ANO5: variants seen among roughly 807,000 people sequenced by gnomAD.
ANO5 encodes anoctamin 5, also known as anoctamin-5.
A neutral mutation model predicts 121.0 loss-of-function variants in ANO5; 109 were observed. The observed-to-expected ratio is 0.90, with a 90% CI of 0.77 to 1.06. ANO5 has a LOEUF of 1.06. Among genes scored for constraint, ANO5 ranks in the 50% least tolerant of loss-of-function variants. The probability of loss-of-function intolerance (pLI) is 0.00; values close to 1 mark genes in which losing one functional copy is unlikely to be tolerated. For synonymous variants in ANO5, 406 were observed against 359.9 expected (o/e 1.13, Z -1.45); for missense variants, 1,064 against 1,078.5 (o/e 0.99, Z 0.19).
rs1205992591 is a variant in ANO5 at position 22,197,330 on chromosome 11, T to C, written c.40+3798T>C. Reference sequence around the variant, plus strand: ...ACATAAACAAACATTGCCAGTAAAATGTCATTGCTGGAATTTAACTTTTTT... The same window carrying C: ...ACATAAACAAACATTGCCAGTAAAACGTCATTGCTGGAATTTAACTTTTTT... On this transcript the variant is annotated intron_variant, in intron 1 of 21. Coordinates refer to ENST00000324559, the MANE Select transcript of ANO5 (RefSeq NM_213599.3). Among the ~76,000 whole-genome samples, 6 of 148,338 alleles carry C rather than the reference T, an allele frequency of 4.0e-5. No individual in the cohort carries two copies. The East Asian group carries it at 9.9e-4, about 24-fold the overall frequency.
Position 22,280,896 on chromosome 11 carries a change from G to A in ANO5, c.*1131G>A, listed in dbSNP as rs1855051911. On this transcript the variant is annotated 3_prime_UTR_variant, in exon 22 of 22. Transcript: ENST00000324559. ...AATGTAAGCTTGTCTTAATGAAATTGTCAGTGTAATAACAACTACAGTCTT... is the reference window on the plus strand; with the variant it reads ...AATGTAAGCTTGTCTTAATGAAATTATCAGTGTAATAACAACTACAGTCTT... 1 of 151,902 alleles carries A rather than the reference G, an allele frequency of 6.6e-6. No individual in the cohort carries two copies. Among genetic ancestry groups the A allele is most frequent in the African/African-American group, 2.4e-5 (1 of 41,416 alleles). The allele number at this position is 151,902 out of a possible 1,614,324, so 9.4% of individuals were successfully genotyped here.
chr11:22,265,785 G>A (rs970221140), intron 17 of ANO5, among the ~76,000 whole-genome samples: 2 of 151,954 alleles, frequency 1.3e-5, no homozygotes, highest in Non-Finnish European at 2.9e-5. Context: ...ACCCAAACAA[G>A]TATGATAAAA....
rs201467684 is a variant in ANO5, at chr11:22,262,946, T to C, written c.1801T>C (p.Cys601Arg). Residue 601 changes from cysteine (C) to arginine (R), a missense_variant and splice_region_variant, in exon 17 of 22, where the codon TGT becomes CGT. Coordinates refer to ENST00000324559, the MANE Select transcript of ANO5 (RefSeq NM_213599.3). ...YLFNEWRSEECDPGGCLIELT... is the reference protein window; with the variant it reads ...YLFNEWRSEERDPGGCLIELT... ...TTTCTCCCCTCTTGCTTCTGACTAGTGTGATCCTGGAGGCTGTCTTATAGA... is the reference window on the plus strand; with the variant it reads ...TTTCTCCCCTCTTGCTTCTGACTAGCGTGATCCTGGAGGCTGTCTTATAGA... The C allele has an allele frequency of 5.0e-6, 8 of 1,610,424 alleles. No homozygotes were observed. In the East Asian group the frequency reaches 1.8e-4, roughly 36 times the overall value.
chr11:22,236,798 A>G (rs11026472), intron 8 of ANO5, among the ~76,000 whole-genome samples: 8,317 of 152,302 alleles, frequency 0.055, 769 homozygotes, highest in African/African-American at 0.19. Context: ...CAACTGCAAT[A>G]TAAACTAAAG....
Position 22,279,819 on chromosome 11 carries a change from G to T in ANO5, c.*54G>T. 1 of 1,477,452 alleles carries T rather than the reference G, an allele frequency of 6.8e-7. No individual in the cohort carries two copies. The highest frequency in any genetic ancestry group is 1.4e-5 in the African/African-American group (1 of 71,456). 91.5% of individuals were successfully genotyped at this position (1,477,452 alleles called of 1,614,324 possible). A position where few individuals can be genotyped will look rare whatever the true frequency, so the allele number is the denominator to read the frequency against. ...CTGCCTTACTTCACTTTATCCTCTG[G>T]TTTTAGGGCCAGACGCCAGAAGCCA... On this transcript the variant is annotated 3_prime_UTR_variant, in exon 22 of 22. Coordinates refer to ENST00000324559, the MANE Select transcript of ANO5 (RefSeq NM_213599.3).
chr11:22,242,491 C>A (rs189549075), intron 9 of ANO5, among the ~76,000 whole-genome samples: 2 of 152,114 alleles, frequency 1.3e-5, no homozygotes, highest in African/African-American at 2.4e-5. Flanking sequence ...GGCAGTATGG[C>A]CATTTTAATG....
chr11:22,230,389 CACTAATAATATGT>C (rs1228635025), intron 7 of ANO5, among the ~76,000 whole-genome samples: 2 of 151,896 alleles, frequency 1.3e-5, no homozygotes, highest in Admixed American at 1.3e-4. Context: ...TTTTCCATTG[CACTAATAATATGT>C]AATATATGGA....
chr11:22,220,386 T>C, intron 4 of ANO5, among the ~76,000 whole-genome samples: 1 of 152,048 alleles, frequency 6.6e-6, no homozygotes, highest in East Asian at 1.9e-4. Context: ...CTCATGTTTT[T>C]GCTGTTTTTA....
chr11:22,260,004 A>C (rs1313961896), intron 15 of ANO5, among the ~76,000 whole-genome samples: 1 of 151,796 alleles, frequency 6.6e-6, no homozygotes, highest in African/African-American at 2.4e-5. Context: ...CCTTGTCTTA[A>C]TTCTCCCTTG....
chr11:22,213,860 C>G (rs950182464), intron 3 of ANO5, among the ~76,000 whole-genome samples: 1 of 151,432 alleles, frequency 6.6e-6, no homozygotes, highest in Non-Finnish European at 1.5e-5. Flanking sequence ...TCAAATTGTT[C>G]TAGCTTTGGC....
rs777347024 is a variant in ANO5, at chr11:22,250,217, G to A, written c.879-20G>A. 6.4e-7 allele frequency: 1 copy of A among 1,556,076 alleles called. No individual in the cohort carries two copies. The highest frequency in any genetic ancestry group is 8.8e-7 in the Non-Finnish European group (1 of 1,131,744). ...TAACATTCTTCCATATTCTGATTCTGTTTTTACTCTTTTTCACAGGAATTA... is the reference window on the plus strand; with the variant it reads ...TAACATTCTTCCATATTCTGATTCTATTTTTACTCTTTTTCACAGGAATTA... On this transcript the variant is annotated intron_variant, in intron 9 of 21. Coordinates refer to ENST00000324559, the MANE Select transcript of ANO5 (RefSeq NM_213599.3).
At chr11:22,210,045 A>G (rs1003536287) in intron 2 of ANO5, among the ~76,000 whole-genome samples, 1 of 151,944 alleles carries the variant, frequency 6.6e-6, no homozygotes, top group African/African-American at 2.4e-5. Context: ...TTCATTTGCT[A>G]TCTGTTGTAT....
chr11:22,239,625 T>C lies in ANO5; in HGVS notation c.819T>C (p.Leu273=), dbSNP rs774119383. The C allele has an allele frequency of 1.2e-5, 19 of 1,612,900 alleles. No homozygotes were observed. The highest frequency in any genetic ancestry group is 1.4e-5 in the Non-Finnish European group (16 of 1,179,222). The change falls in exon 9 of 22, where the codon CTT becomes CTC. Residue 273 remains leucine (L), a synonymous_variant. Transcript: ENST00000324559. ...ATCCTACCAATGAAAGATACACACT[T>C]CACCAGAATTGGGCTCGATTTTCCT... ...PPNPTNERYT[L]HQNWARFSYF...
intron 15 of ANO5, 31 bp from the exon 16 acceptor site, chr11:22,262,098 A>T (rs1854205743): frequency 1.2e-5 from 20 of 1,608,074 alleles, no homozygotes; most frequent in Non-Finnish European, 1.7e-5. Context: ...AAATAAGAAG[A>T]TGCACTAAAC....
upstream of ANO5, chr11:22,192,838 G>A (rs1451798166): frequency 2.8e-6 from 1 of 359,960 alleles, no homozygotes; most frequent in East Asian, 1.7e-4. Flanking sequence ...GCCGGGGGGC[G>A]GCGGGTCCCG....
At position 22,283,220 on chromosome 11, in the gene ANO5, A is replaced by G. The variant is rs1184280168; in HGVS notation, c.*3455A>G. Reference sequence around the variant, plus strand: ...CACAGGAAATGAGTGCTCCTTTTTAAAATTTCTTTCTTCCAAGTTTTTTTT... The same window carrying G: ...CACAGGAAATGAGTGCTCCTTTTTAGAATTTCTTTCTTCCAAGTTTTTTTT... On this transcript the variant is annotated 3_prime_UTR_variant, in exon 22 of 22. Coordinates refer to ENST00000324559, the MANE Select transcript of ANO5 (RefSeq NM_213599.3). 2.0e-5 allele frequency: 3 copies of G among 151,890 alleles called. No homozygotes were observed. The highest frequency in any genetic ancestry group is 4.4e-5 in the Non-Finnish European group (3 of 67,848). The allele number at this position is 151,890 out of a possible 1,614,324, so 9.4% of individuals were successfully genotyped here. A position where few individuals can be genotyped will look rare whatever the true frequency, so the allele number is the denominator to read the frequency against.
At chr11:22,197,628 T>C (rs1851852402) in intron 1 of ANO5, among the ~76,000 whole-genome samples, 1 of 152,232 alleles carries the variant, frequency 6.6e-6, no homozygotes, top group African/African-American at 2.4e-5. Flanking sequence ...TATTTTATAC[T>C]GCTAGTAAGA....
chr11:22,247,348 G>T (rs1290252057), intron 9 of ANO5, among the ~76,000 whole-genome samples: 2 of 151,954 alleles, frequency 1.3e-5, no homozygotes, highest in African/African-American at 4.8e-5. Context: ...AGGAAGAAAA[G>T]GATATTGCTC....
chr11:22,217,574 G>C (rs1445445007), intron 3 of ANO5, among the ~76,000 whole-genome samples: 1 of 151,532 alleles, frequency 6.6e-6, no homozygotes, highest in African/African-American at 2.4e-5. Context: ...TTATTTTCAT[G>C]TTTTCCTTTA....
Sources: gnomAD v4.1 joint callset for allele counts (sites outside exome capture counted in the v4.1 genomes callset) on GRCh38, gnomAD v4.1.1 for gene constraint, MANE v1.5 for transcripts, NCBI Gene and HGNC (gene_info 2026-07-23, HGNC 2026-07-21) for gene names.